The following OR51B5 variants were observed in gnomAD, a reference collection of about 807,000 sequenced individuals.
OR51B5 encodes the protein olfactory receptor family 51 subfamily B member 5.
For missense variants in OR51B5, 456 were observed against 374.6 expected (o/e 1.22, Z -1.79); for synonymous variants, 186 against 144.8 (o/e 1.28, Z -2.04).
At chr11:5,351,428 A>C (rs4910553) in intron 1 of OR51B5, 4 of 1,108,106 alleles carry the variant, frequency 3.6e-6, no homozygotes, top group Non-Finnish European at 5.2e-6. Flanking sequence ...AACAGGTAGA[A>C]TTCTCAAGGA....
At chr11:5,498,133 G>C (rs1170576672) in intron 1 of OR51B5, among the ~76,000 whole-genome samples, 1 of 152,150 alleles carries the variant, frequency 6.6e-6, no homozygotes, top group Non-Finnish European at 1.5e-5. Flanking sequence ...GAGCCCTATA[G>C]GATATTCCAC....
chr11:5,455,810 T>A (rs1850950105), intron 1 of OR51B5: 1 of 152,100 alleles, frequency 6.6e-6, no homozygotes, highest in African/African-American at 2.4e-5. Flanking sequence ...TACTTGGGAT[T>A]CAGATTTTTT....
downstream of OR51B5, among the ~76,000 whole-genome samples, chr11:5,342,242 A>AT (rs1848907137): frequency 6.6e-6 from 1 of 152,172 alleles, no homozygotes; most frequent in African/African-American, 2.4e-5. Flanking sequence ...ATAATTTTAT[A>AT]TTTTTATGAT....
intron 1 of OR51B5, chr11:5,391,188 A>G (rs1849790282): frequency 6.6e-6 from 1 of 152,256 alleles, no homozygotes; most frequent in South Asian, 2.1e-4. Flanking sequence ...AGGAGGAAAT[A>G]AACTTTACAT....
chr11:5,363,072 A>AG (rs779742635), intron 1 of OR51B5, among the ~76,000 whole-genome samples: 262 of 152,156 alleles, frequency 1.7e-3, no homozygotes, highest in Middle Eastern at 6.8e-3. Flanking sequence ...AAATGTGCTA[A>AG]GTAGATGTCT....
chr11:5,475,265 T>C lies in OR51B5; in HGVS notation n.84+30304A>G, dbSNP rs1434600163. ...CATGATGATAAAATCCGAACACTCA[T>C]ATTGCCTGTAAAACACTGTGTAATA... On this transcript the variant is annotated intron_variant and non_coding_transcript_variant, in intron 1 of 4. Coordinates refer to the OR51B5 transcript ENST00000415970. 2.6e-5 allele frequency among the ~76,000 whole-genome samples: 4 copies of C among 152,188 alleles called. No individual in the cohort carries two copies. The South Asian group carries it at 8.3e-4, about 32-fold the overall frequency.
chr11:5,371,131 G>A (rs965420739), intron 1 of OR51B5, among the ~76,000 whole-genome samples: 1 of 152,148 alleles, frequency 6.6e-6, no homozygotes, highest in African/African-American at 2.4e-5. Context: ...ATTGAAGTAA[G>A]GGCTTTGTTT....
chr11:5,440,057 T>C (rs575369547), intron 1 of OR51B5, among the ~76,000 whole-genome samples: 41 of 152,330 alleles, frequency 2.7e-4, no homozygotes, highest in African/African-American at 9.6e-4. Context: ...CTAACTTCTC[T>C]CATCCTTCAC....
At chr11:5,351,240 A>G (rs79180028) in intron 1 of OR51B5, among the ~76,000 whole-genome samples, 18,694 of 152,234 alleles carry the variant, frequency 0.12, 1,325 homozygotes, top group Non-Finnish European at 0.16. Context: ...GAATTCAACA[A>G]TGTTTATTCT....
chr11:5,442,986 T>C (rs941780409), intron 1 of OR51B5, among the ~76,000 whole-genome samples: 1 of 152,180 alleles, frequency 6.6e-6, no homozygotes, highest in Admixed American at 6.6e-5. Flanking sequence ...CTCTGCCTTC[T>C]TTACTGAATT....
At chr11:5,389,868 G>A (rs770871484) in intron 1 of OR51B5, 1 of 1,613,520 alleles carries the variant, frequency 6.2e-7, no homozygotes, top group East Asian at 2.2e-5. Context: ...GTCAGAGCAG[G>A]CCTAATTGTC....
At chr11:5,404,331 T>C (rs1850025605) in intron 1 of OR51B5, among the ~76,000 whole-genome samples, 1 of 152,062 alleles carries the variant, frequency 6.6e-6, no homozygotes, top group Non-Finnish European at 1.5e-5. Context: ...TCTGTCTAGC[T>C]AAAGGGTTGT....
intron 1 of OR51B5, chr11:5,391,994 A>T (rs1849802534): frequency 6.6e-6 from 1 of 152,218 alleles, no homozygotes; most frequent in Non-Finnish European, 1.5e-5. Context: ...GCTTGAGCCC[A>T]GGAGGTTGAG....
chr11:5,381,189 C>T (rs1849605458), intron 1 of OR51B5, among the ~76,000 whole-genome samples: 1 of 143,608 alleles, frequency 7.0e-6, no homozygotes, highest in Non-Finnish European at 1.5e-5. Context: ...CACACACAAA[C>T]AATATTACAT....
upstream of OR51B5, among the ~76,000 whole-genome samples, chr11:5,347,393 C>T (rs568120343): frequency 2.6e-5 from 4 of 152,164 alleles, no homozygotes; most frequent in Non-Finnish European, 5.9e-5. Flanking sequence ...TAGTACCCAA[C>T]GTGAACGCAC....
chr11:5,491,150 T>G (rs1386682177), intron 1 of OR51B5, among the ~76,000 whole-genome samples: 1 of 152,228 alleles, frequency 6.6e-6, no homozygotes, highest in Non-Finnish European at 1.5e-5. Context: ...TATGCTAATG[T>G]GTAGGGTAAT....
intron 1 of OR51B5, among the ~76,000 whole-genome samples, chr11:5,494,332 T>C (rs1418274198): frequency 1.3e-5 from 2 of 152,200 alleles, no homozygotes; most frequent in Admixed American, 6.5e-5. Context: ...TCTTCCTCTG[T>C]GGACTTTATT....
chr11:5,370,954 G>A (rs1036436402), intron 1 of OR51B5, among the ~76,000 whole-genome samples: 1 of 152,178 alleles, frequency 6.6e-6, no homozygotes, highest in Admixed American at 6.5e-5. Flanking sequence ...GGTTCAATGA[G>A]CAGACAGAAG....
At chr11:5,366,151 A>G (rs1356181504) in intron 1 of OR51B5, among the ~76,000 whole-genome samples, 1 of 152,166 alleles carries the variant, frequency 6.6e-6, no homozygotes, top group Non-Finnish European at 1.5e-5. Context: ...AATAAGAAAC[A>G]GTATGTGAAG....
Sources: gnomAD v4.1 joint callset for allele counts (sites outside exome capture counted in the v4.1 genomes callset) on GRCh38, gnomAD v4.1.1 for gene constraint, MANE v1.5 for transcripts, NCBI Gene and HGNC (gene_info 2026-07-23, HGNC 2026-07-21) for gene names.